Variants in CLPTM1L observed in about 807,000 individuals in gnomAD.
CLPTM1L encodes the protein lipid scramblase CLPTM1L.
In CLPTM1L, 38 loss-of-function variants were observed where a neutral mutation model predicts 70.9. That is an observed-to-expected ratio of 0.54 (90% confidence interval 0.41 to 0.70). CLPTM1L has a LOEUF of 0.70. Among genes scored for constraint, CLPTM1L ranks in the 30% least tolerant of loss-of-function variants. The probability of loss-of-function intolerance (pLI) is 0.00; values close to 1 mark genes in which losing one functional copy is unlikely to be tolerated. For synonymous variants in CLPTM1L, 339 were observed against 299.9 expected (o/e 1.13, Z -1.35); for missense variants, 652 against 705.9 (o/e 0.92, Z 0.87).
At chr5:1,320,505 T>G in intron 16 of CLPTM1L, 111 bp downstream of exon 16, 1 of 560,820 alleles carries the variant, frequency 1.8e-6, no homozygotes, top group Non-Finnish European at 3.0e-6. Context: ...AAATTATCTT[T>G]TCCCTCAAAT....
intron 16 of CLPTM1L, among the ~76,000 whole-genome samples, chr5:1,319,512 C>T (rs1369955525): frequency 6.6e-6 from 1 of 152,208 alleles, no homozygotes; most frequent in Non-Finnish European, 1.5e-5. Context: ...GAACACCTGG[C>T]GAGGTTGAGT....
chr5:1,330,264 A>G lies in CLPTM1L; in HGVS notation c.1080+16T>C, dbSNP rs568345077. 9 of 1,609,254 alleles carry G rather than the reference A, an allele frequency of 5.6e-6. No homozygotes were observed. The South Asian group carries it at 8.8e-5, about 16-fold the overall frequency. On this transcript the variant is annotated intron_variant, in intron 9 of 16. Transcript: ENST00000320895. Reference sequence around the variant, plus strand: ...ACATGGACCTCAGACAGTTCAGGTCACTGCCCGGAACTCACCTCAATGGCG... The same window carrying G: ...ACATGGACCTCAGACAGTTCAGGTCGCTGCCCGGAACTCACCTCAATGGCG...
chr5:1,322,740 CAT>C (rs1353220037), intron 13 of CLPTM1L, 135 bp downstream of exon 13: 2 of 873,246 alleles, frequency 2.3e-6, no homozygotes, highest in Non-Finnish European at 3.9e-6. Flanking sequence ...GGGCACCGCA[CAT>C]GTGCCAGAAC....
chr5:1,344,986 G>A lies in CLPTM1L; in HGVS notation c.-145C>T, dbSNP rs1754185992. The A allele has an allele frequency of 1.6e-5, 5 of 313,370 alleles. No individual in the cohort carries two copies. The South Asian group carries it at 4.5e-4, about 28-fold the overall frequency. 19.4% of individuals were successfully genotyped at this position (313,370 alleles called of 1,614,324 possible). On this transcript the variant is annotated 5_prime_UTR_variant, in exon 1 of 17. Transcript: ENST00000320895. ...GCCACCGCCGCGGGGGAACGAATGC[G>A]CCGCGCGCCGCAGACCGCCGGCCGC...
Position 1,332,847 on chromosome 5 carries a change from T to C in CLPTM1L, c.892-964A>G, listed in dbSNP as rs114052684. Among the ~76,000 whole-genome samples, 648 of 152,376 alleles carry C rather than the reference T, an allele frequency of 4.3e-3. 1 individual carries two copies. Among genetic ancestry groups the C allele is most frequent in the Non-Finnish European group, 8.0e-3 (542 of 68,034 alleles). ...TATATTCATTCATTACGTTATTTGA[T>C]ACACATATTCAGACATCCAATGAGG... On this transcript the variant is annotated intron_variant, in intron 7 of 16. Transcript: ENST00000320895.
At chr5:1,335,202 C>G in intron 5 of CLPTM1L, 28 bp from the exon 6 acceptor site, 1 of 1,547,670 alleles carries the variant, frequency 6.5e-7, no homozygotes, top group Non-Finnish European at 8.9e-7. Context: ...ACTGAGGGCC[C>G]TGCCCTCATA....
At chr5:1,344,511 TCCC>T in intron 1 of CLPTM1L, 60 bp from the exon 2 acceptor site, 1 of 1,530,388 alleles carries the variant, frequency 6.5e-7, no homozygotes, top group Non-Finnish European at 9.0e-7. Flanking sequence ...CGCACTCAAA[TCCC>T]ACGGCCAGCT....
chr5:1,343,616 A>ATT (rs1754086231), intron 2 of CLPTM1L, among the ~76,000 whole-genome samples: 2 of 152,228 alleles, frequency 1.3e-5, no homozygotes, highest in Non-Finnish European at 2.9e-5. Context: ...GGAGGCAGAG[A>ATT]GAGGGCAGGA....
chr5:1,343,192 A>C (rs1271117862), intron 2 of CLPTM1L, among the ~76,000 whole-genome samples: 8 of 151,774 alleles, frequency 5.3e-5, no homozygotes, highest in Non-Finnish European at 1.0e-4. Context: ...TCTATCTCAA[A>C]AAAAAAAAAA....
rs1327726722 is a variant in CLPTM1L at position 1,345,029 on chromosome 5, C to T, written c.-188G>A. 1.1e-5 allele frequency: 2 copies of T among 183,432 alleles called. No homozygotes were observed. The highest frequency in any genetic ancestry group is 2.0e-5 in the Non-Finnish European group (2 of 97,692). The allele number at this position is 183,432 out of a possible 1,614,324, so 11.4% of individuals were successfully genotyped here. A position where few individuals can be genotyped will look rare whatever the true frequency, so the allele number is the denominator to read the frequency against. Reference sequence around the variant, plus strand: ...CCGGCCGCCCCGCATGCTCCGGCCCCGCTCCCACCTGGCGCCGCGGGATTC... The same window carrying T: ...CCGGCCGCCCCGCATGCTCCGGCCCTGCTCCCACCTGGCGCCGCGGGATTC... On this transcript the variant is annotated 5_prime_UTR_variant, in exon 1 of 17. Coordinates refer to ENST00000320895, the MANE Select transcript of CLPTM1L (RefSeq NM_030782.5).
At chr5:1,344,110 C>T (rs1342563845) in intron 2 of CLPTM1L, among the ~76,000 whole-genome samples, 1 of 152,218 alleles carries the variant, frequency 6.6e-6, no homozygotes, top group Non-Finnish European at 1.5e-5. Flanking sequence ...TCCAGGACAT[C>T]CCACTGCCAT....
chr5:1,321,925 C>A (rs749598256), intron 13 of CLPTM1L, 106 bp from the exon 14 acceptor site: 2 of 983,428 alleles, frequency 2.0e-6, no homozygotes, highest in Non-Finnish European at 3.2e-6. Context: ...CACGTCTATG[C>A]ATAGTGGGCA....
At chr5:1,334,173 G>C (rs1281298567) in intron 7 of CLPTM1L, 116 bp downstream of exon 7, 1 of 679,766 alleles carries the variant, frequency 1.5e-6, no homozygotes, top group Non-Finnish European at 2.6e-6. Context: ...GTGGACACTT[G>C]AGGGCCACAG....
At chr5:1,330,258 C>T in intron 9 of CLPTM1L, 22 bp downstream of exon 9, 4 of 1,601,838 alleles carry the variant, frequency 2.5e-6, no homozygotes, top group Non-Finnish European at 3.4e-6. Flanking sequence ...TCAGACAGTT[C>T]AGGTCACTGC....
intron 3 of CLPTM1L, among the ~76,000 whole-genome samples, chr5:1,339,918 T>A (rs1753834817): frequency 6.8e-6 from 1 of 147,282 alleles, no homozygotes; most frequent in Non-Finnish European, 1.5e-5. Flanking sequence ...CCCTAACCTG[T>A]GAACAGATGG....
chr5:1,341,938 G>C, intron 2 of CLPTM1L, 78 bp from the exon 3 acceptor site: 1 of 1,203,788 alleles, frequency 8.3e-7, no homozygotes, highest in African/African-American at 1.5e-5. Context: ...CCTTTATAAA[G>C]CTGCTTCAAT....
chr5:1,335,103 G>A lies in CLPTM1L; in HGVS notation c.750C>T (p.Arg250=), dbSNP rs1753484457. Residue 250 remains arginine (R), a synonymous_variant, in exon 6 of 17, where the codon CGC becomes CGT. Transcript: ENST00000320895. The part of the protein sequence containing the change: ...SYDKVSLGRL[R]FWIHMQDAVY... ...CGGCGTCCTGCATGTGGATCCAGAA[G>A]CGCAGCCGCCCCAGTGAGACCTTGT... 1 of 1,613,670 alleles carries A rather than the reference G, an allele frequency of 6.2e-7. No homozygotes were observed. The highest frequency in any genetic ancestry group is 8.5e-7 in the Non-Finnish European group (1 of 1,180,034).
At chr5:1,332,082 G>A in intron 7 of CLPTM1L, 199 bp from the exon 8 acceptor site, 2 of 589,892 alleles carry the variant, frequency 3.4e-6, no homozygotes, top group Non-Finnish European at 3.0e-6. Context: ...GCCCAGGCGG[G>A]CTTTGCAGGG....
At chr5:1,321,545 A>C in intron 15 of CLPTM1L, 90 bp downstream of exon 15, 2 of 1,136,116 alleles carry the variant, frequency 1.8e-6, no homozygotes, top group Non-Finnish European at 2.7e-6. Context: ...CTCTGGGCAG[A>C]GATGGCCCCA....
Sources: allele counts gnomAD v4.1 joint callset (sites outside exome capture counted in the v4.1 genomes callset), GRCh38; gene constraint gnomAD v4.1.1; transcripts MANE v1.5; gene names NCBI Gene and HGNC (gene_info 2026-07-23, HGNC 2026-07-21).